SLC25A26: variants seen among roughly 807,000 people sequenced by gnomAD.
The protein encoded by SLC25A26 is solute carrier family 25 member 26, also known as mitochondrial S-adenosylmethionine carrier protein.
Under a neutral mutation model 37.8 loss-of-function variants are expected in SLC25A26, and 36 were observed. That is an observed-to-expected ratio of 0.95 (90% CI 0.73 to 1.26). The LOEUF (loss-of-function observed/expected upper bound fraction) is 1.26, where lower values mean the gene tolerates loss of function less well. Among genes scored for constraint, SLC25A26 ranks in the 50% most tolerant of loss-of-function variants. SLC25A26 has a pLI of 0.00. For missense variants in SLC25A26, 390 were observed against 331.1 expected, an observed-to-expected ratio of 1.18 and a Z score of -1.38; for synonymous variants, 129 against 122.5, an observed-to-expected ratio of 1.05 and a Z score of -0.35.
rs371552987 is a variant in SLC25A26, at chr3:66,377,840, A to G, written c.*33A>G. 2.0e-6 allele frequency: 3 copies of G among 1,532,934 alleles called. No homozygotes were observed. Among genetic ancestry groups the G allele is most frequent in the African/African-American group, 1.4e-5 (1 of 73,316 alleles). 95.0% of individuals were successfully genotyped at this position (1,532,934 alleles called of 1,614,324 possible). On this transcript the variant is annotated 3_prime_UTR_variant, in exon 10 of 10. Transcript: ENST00000354883. ...ACAAGCCTCACCTCCACTTCTGTCA[A>G]GAGAGGGGCCTGCAGTGCAAACCCT...
intron 5 of SLC25A26, among the ~76,000 whole-genome samples, chr3:66,322,636 A>G (rs1474073964): frequency 6.6e-6 from 1 of 152,258 alleles, no homozygotes; most frequent in Non-Finnish European, 1.5e-5. Flanking sequence ...ATTCAGTGAC[A>G]ACATGTGGTT....
At chr3:66,140,962 G>A (rs984431232) in intron 1 of SLC25A26, among the ~76,000 whole-genome samples, 5 of 151,772 alleles carry the variant, frequency 3.3e-5, no homozygotes, top group African/African-American at 1.2e-4. Flanking sequence ...GGTTACTGTG[G>A]TGGTGCCACC....
chr3:66,369,390 G>A, intron 7 of SLC25A26, 88 bp from the exon 8 acceptor site: 1 of 1,098,252 alleles, frequency 9.1e-7, no homozygotes, highest in East Asian at 2.6e-5. Context: ...TAATGACGAA[G>A]TGATTTGGGC....
At chr3:66,264,192 A>C (rs2073651164) in intron 5 of SLC25A26, among the ~76,000 whole-genome samples, 1 of 151,830 alleles carries the variant, frequency 6.6e-6, no homozygotes, top group South Asian at 2.1e-4. Flanking sequence ...GAATTGCTTG[A>C]ACTTGGGAGG....
At chr3:66,159,589 A>G (rs1208646754) in intron 1 of SLC25A26, among the ~76,000 whole-genome samples, 5 of 152,164 alleles carry the variant, frequency 3.3e-5, no homozygotes, top group Admixed American at 6.5e-5. Flanking sequence ...ATTAATATTC[A>G]GGTAAAGCAC....
chr3:66,355,997 A>T (rs1003729191), intron 6 of SLC25A26: 3 of 455,770 alleles, frequency 6.6e-6, no homozygotes, highest in Non-Finnish European at 1.3e-5. Flanking sequence ...CTACATGTAT[A>T]AAAAGCATAT....
intron 6 of SLC25A26, among the ~76,000 whole-genome samples, chr3:66,358,094 T>TAA (rs2076617539): frequency 6.6e-6 from 1 of 152,252 alleles, no homozygotes; most frequent in Non-Finnish European, 1.5e-5. Flanking sequence ...CATTCCAGTC[T>TAA]AAAATTATGT....
At chr3:66,307,662 G>C (rs897409050) in intron 5 of SLC25A26, among the ~76,000 whole-genome samples, 1 of 152,032 alleles carries the variant, frequency 6.6e-6, no homozygotes, top group African/African-American at 2.4e-5. Flanking sequence ...CTTACATCTT[G>C]AGTTAATTTT....
chr3:66,140,226 GGAATTACATCTCTT>G (rs1394097733), intron 1 of SLC25A26, among the ~76,000 whole-genome samples: 1 of 152,174 alleles, frequency 6.6e-6, no homozygotes, highest in Non-Finnish European at 1.5e-5. Context: ...CAAAAGATCA[GGAATTACATCTCTT>G]GACCAATTTT....
intron 3 of SLC25A26, among the ~76,000 whole-genome samples, chr3:66,250,382 A>G (rs1408714934): frequency 6.6e-6 from 1 of 152,210 alleles, no homozygotes; most frequent in Admixed American, 6.5e-5. Context: ...AAGAAAAGGA[A>G]CTATAGACGG....
At chr3:66,330,661 AT>A (rs11402140) in intron 5 of SLC25A26, among the ~76,000 whole-genome samples, 27 of 146,188 alleles carry the variant, frequency 1.8e-4, no homozygotes, top group African/African-American at 4.0e-4. Context: ...GTGGGTAGGC[AT>A]TTTTTTTTTG....
chr3:66,140,979 C>G (rs1180255309), intron 1 of SLC25A26, among the ~76,000 whole-genome samples: 1 of 151,942 alleles, frequency 6.6e-6, no homozygotes, highest in Non-Finnish European at 1.5e-5. Context: ...CACCAGCTCT[C>G]TGAAATTTCT....
intron 4 of SLC25A26, 21 bp from the exon 5 acceptor site, chr3:66,263,311 T>C: frequency 6.2e-7 from 1 of 1,604,862 alleles, no homozygotes; most frequent in East Asian, 2.2e-5. Context: ...TTCTGAACTC[T>C]CGGCTGTGTG....
At chr3:66,373,931 C>T (rs957393456) in intron 9 of SLC25A26, among the ~76,000 whole-genome samples, 3 of 152,092 alleles carry the variant, frequency 2.0e-5, no homozygotes, top group African/African-American at 7.2e-5. Flanking sequence ...AGGATGCAGT[C>T]AGGTGCTGGG....
At chr3:66,298,712 GA>G (rs2074982204) in intron 5 of SLC25A26, among the ~76,000 whole-genome samples, 1 of 152,098 alleles carries the variant, frequency 6.6e-6, no homozygotes, top group Non-Finnish European at 1.5e-5. Flanking sequence ...TCACACTACT[GA>G]TCTGTGTTAG....
In SLC25A26 at chr3:66,374,311, A is replaced by G. The variant is rs1700515029; in HGVS notation, c.708-3379A>G. ...CATTTTGGTAATTCTCACCTGTCAAATATTTTCATTATCATATCTGCTGTG... is the reference window on the plus strand; with the variant it reads ...CATTTTGGTAATTCTCACCTGTCAAGTATTTTCATTATCATATCTGCTGTG... On this transcript the variant is annotated intron_variant, in intron 9 of 9. Coordinates refer to ENST00000354883, the MANE Select transcript of SLC25A26 (RefSeq NM_001379210.1). Among the ~76,000 whole-genome samples, 10 of 152,146 alleles carry G rather than the reference A, an allele frequency of 6.6e-5. No individual in the cohort carries two copies. The South Asian group carries it at 1.9e-3, about 28-fold the overall frequency.
intron 6 of SLC25A26, among the ~76,000 whole-genome samples, chr3:66,354,680 G>A (rs568600454): frequency 3.3e-5 from 5 of 152,250 alleles, no homozygotes; most frequent in African/African-American, 1.2e-4. Context: ...AGTGCTCAGG[G>A]TCTGCAGTTA....
intron 5 of SLC25A26, among the ~76,000 whole-genome samples, chr3:66,303,286 G>A (rs1390717819): frequency 6.6e-6 from 1 of 152,166 alleles, no homozygotes; most frequent in East Asian, 1.9e-4. Context: ...CTCTAGTCAA[G>A]CACAACTGCA....
chr3:66,376,111 A>G (rs1190931787), intron 9 of SLC25A26, among the ~76,000 whole-genome samples: 1 of 151,008 alleles, frequency 6.6e-6, no homozygotes, highest in South Asian at 2.1e-4. Context: ...TGAAGATGTA[A>G]AGAATTGCCA....
Sources: gnomAD v4.1 joint callset for allele counts (sites outside exome capture counted in the v4.1 genomes callset) on GRCh38, gnomAD v4.1.1 for gene constraint, MANE v1.5 for transcripts, NCBI Gene and HGNC (gene_info 2026-07-23, HGNC 2026-07-21) for gene names.